Variants in GLIS3 observed in about 807,000 individuals in gnomAD.
GLIS3 encodes zinc finger protein GLIS3.
A neutral mutation model predicts 78.6 loss-of-function variants in GLIS3; 53 were observed. The observed-to-expected ratio is 0.67, with a 90% CI of 0.54 to 0.85. The LOEUF (loss-of-function observed/expected upper bound fraction) is 0.85. Among genes scored for constraint, GLIS3 ranks in the 40% least tolerant of loss-of-function variants. The pLI is 0.00. For missense variants in GLIS3, 1,703 were observed against 1,231.1 expected, an observed-to-expected ratio of 1.38 and a Z score of -5.74; for synonymous variants, 684 against 509.9, an observed-to-expected ratio of 1.34 and a Z score of -4.60.
Position 3,856,158 on chromosome 9 carries a change from TGAG to T in GLIS3, c.2321_2323del (p.Pro774del). ...TGGAACTCTCCGGGGGCTGATGTGG[TGAG>T]GAGATGGAGCAGAAGGTGCAAACCT... is the stretch of plus-strand genomic sequence containing the variant. On this transcript the variant is annotated inframe_deletion, in exon 9 of 11. Coordinates refer to ENST00000381971, the MANE Select transcript of GLIS3 (RefSeq NM_001042413.2). 2 of 1,613,906 alleles carry T rather than the reference TGAG, an allele frequency of 1.2e-6. No individual in the cohort carries two copies. The highest frequency in any genetic ancestry group is 1.7e-6 in the Non-Finnish European group (2 of 1,179,950).
chr9:4,047,690 G>A (rs371909647), intron 4 of GLIS3, among the ~76,000 whole-genome samples: 1 of 152,184 alleles, frequency 6.6e-6, no homozygotes, highest in Non-Finnish European at 1.5e-5. Flanking sequence ...AACGATGTCA[G>A]TATGAAAAGA....
the GLIS3 span, among the ~76,000 whole-genome samples, chr9:4,372,954 C>T: frequency 2.0e-5 from 3 of 152,334 alleles, no homozygotes; most frequent in African/African-American, 4.8e-5. Flanking sequence ...CTATCTACCT[C>T]AGGGCCTTGT....
chr9:4,104,134 C>G (rs557972490), intron 4 of GLIS3, among the ~76,000 whole-genome samples: 1 of 152,114 alleles, frequency 6.6e-6, no homozygotes, highest in South Asian at 2.1e-4. Flanking sequence ...TAGGTGGTCC[C>G]AAAAATGGCA....
chr9:4,281,654 T>C (rs1428141083), intron 2 of GLIS3, among the ~76,000 whole-genome samples: 1 of 152,236 alleles, frequency 6.6e-6, no homozygotes, highest in Non-Finnish European at 1.5e-5. Context: ...ATTGTATGTA[T>C]ATACCACATT....
the GLIS3 span, among the ~76,000 whole-genome samples, chr9:4,449,852 C>A: frequency 3.9e-5 from 6 of 152,178 alleles, no homozygotes; most frequent in African/African-American, 1.4e-4. Flanking sequence ...TCACCAGCAT[C>A]AAGGACCAAA....
intron 2 of GLIS3, among the ~76,000 whole-genome samples, chr9:4,251,947 G>C (rs980829833): frequency 8.5e-5 from 13 of 152,174 alleles, no homozygotes; most frequent in African/African-American, 3.1e-4. Flanking sequence ...CTCTCTTCTG[G>C]CTTGTAGGGT....
chr9:4,214,346 C>G (rs778758852), intron 2 of GLIS3, among the ~76,000 whole-genome samples: 1 of 152,206 alleles, frequency 6.6e-6, no homozygotes, highest in Non-Finnish European at 1.5e-5. Flanking sequence ...TTTCTGCAAA[C>G]TTTAAGGAAA....
intron 9 of GLIS3, among the ~76,000 whole-genome samples, chr9:3,834,235 C>A (rs1219549711): frequency 6.6e-6 from 1 of 151,904 alleles, no homozygotes; most frequent in Non-Finnish European, 1.5e-5. Flanking sequence ...ATAAAGCAGC[C>A]CCATAAAGCT....
intron 9 of GLIS3, among the ~76,000 whole-genome samples, chr9:3,854,641 A>G (rs979603724): frequency 1.3e-5 from 2 of 150,618 alleles, no homozygotes; most frequent in Admixed American, 6.6e-5. Flanking sequence ...GGTTCATGCT[A>G]TTCTCCTGCC....
At chr9:4,209,217 A>G (rs1323305578) in intron 2 of GLIS3, among the ~76,000 whole-genome samples, 1 of 152,158 alleles carries the variant, frequency 6.6e-6, no homozygotes, top group East Asian at 1.9e-4. Flanking sequence ...TCAAAGACGT[A>G]AAATTACCCT....
intron 7 of GLIS3, among the ~76,000 whole-genome samples, chr9:3,889,140 C>A (rs2130532621): frequency 6.6e-6 from 1 of 152,316 alleles, no homozygotes; most frequent in East Asian, 1.9e-4. Context: ...ACTGCCCCTG[C>A]CTCTGATCTC....
chr9:4,375,124 G>C, the GLIS3 span, among the ~76,000 whole-genome samples: 1 of 152,156 alleles, frequency 6.6e-6, no homozygotes, highest in Non-Finnish European at 1.5e-5. Context: ...ACTGTTCTTA[G>C]TCATTTCCCA....
At chr9:4,242,715 C>A (rs528081650) in intron 2 of GLIS3, among the ~76,000 whole-genome samples, 24 of 152,224 alleles carry the variant, frequency 1.6e-4, no homozygotes, top group African/African-American at 5.5e-4. Flanking sequence ...CTAGTAGGAA[C>A]AGAGGTGTGC....
intron 4 of GLIS3, among the ~76,000 whole-genome samples, chr9:4,068,217 T>C (rs1039626615): frequency 6.6e-6 from 1 of 152,140 alleles, no homozygotes; most frequent in East Asian, 1.9e-4. Context: ...TTATTTAAAA[T>C]GCAAAATGTA....
chr9:4,126,035 A>G, intron 2 of GLIS3, 94 bp from the exon 3 acceptor site: 1 of 945,284 alleles, frequency 1.1e-6, no homozygotes, highest in Non-Finnish European at 1.7e-6. Flanking sequence ...ACCCATCTTT[A>G]GAGACAGTCC....
intron 2 of GLIS3, among the ~76,000 whole-genome samples, chr9:4,188,911 C>CG (rs1290760946): frequency 6.6e-6 from 1 of 152,046 alleles, no homozygotes; most frequent in Admixed American, 6.6e-5. Flanking sequence ...GTCTTGCTAG[C>CG]GGTCTATCAA....
chr9:3,914,354 G>A (rs472511), intron 6 of GLIS3, among the ~76,000 whole-genome samples: 132,022 of 147,546 alleles, frequency 0.89, 58,982 homozygotes, highest in African/African-American at 0.92. Context: ...TTTTGCAGAG[G>A]CAAGATCTCA....
At chr9:4,405,227 G>A in the GLIS3 span, among the ~76,000 whole-genome samples, 5 of 152,106 alleles carry the variant, frequency 3.3e-5, no homozygotes, top group African/African-American at 7.2e-5. Flanking sequence ...GGTGGTGCAC[G>A]CCTATAATCC....
chr9:4,346,158 G>A (rs938405669), intron 2 of GLIS3, among the ~76,000 whole-genome samples: 1 of 152,106 alleles, frequency 6.6e-6, no homozygotes, highest in Admixed American at 6.5e-5. Context: ...TGCCTGTAAA[G>A]GAAACCTCAA....
Sources: gnomAD v4.1 joint callset for allele counts (sites outside exome capture counted in the v4.1 genomes callset) on GRCh38, gnomAD v4.1.1 for gene constraint, MANE v1.5 for transcripts, NCBI Gene and HGNC (gene_info 2026-07-23, HGNC 2026-07-21) for gene names.